The following RBPJ variants were observed in gnomAD, a reference collection of about 807,000 sequenced individuals.
RBPJ encodes the protein recombination signal binding protein for immunoglobulin kappa J region.
Under a neutral mutation model 67.8 loss-of-function variants are expected in RBPJ, and 9 were observed. That is an observed-to-expected ratio of 0.13 (90% CI 0.08 to 0.23). The LOEUF (loss-of-function observed/expected upper bound fraction) is 0.23, where lower values mean the gene tolerates loss of function less well. RBPJ is among the 10% of genes least tolerant of loss of function. The pLI, the probability that RBPJ is intolerant of heterozygous loss-of-function variation, is 1.00. For synonymous variants in RBPJ, 198 were observed against 203.3 expected (o/e 0.97, Z 0.22); for missense variants, 305 against 595.6 (o/e 0.51, Z 5.08).
At chr4:26,362,223 A>G (rs929338334) in intron 1 of RBPJ, among the ~76,000 whole-genome samples, 1 of 152,198 alleles carries the variant, frequency 6.6e-6, no homozygotes, top group Admixed American at 6.5e-5. Context: ...TGAAGAAACA[A>G]TTGGGGCAAA....
chr4:26,277,706 T>C (rs1721130215), intron 1 of RBPJ, among the ~76,000 whole-genome samples: 1 of 152,234 alleles, frequency 6.6e-6, no homozygotes, highest in African/African-American at 2.4e-5. Flanking sequence ...ATGGCAAGTG[T>C]TAGTCAGAGG....
At chr4:26,324,481 G>A (rs1723417609) in intron 1 of RBPJ, among the ~76,000 whole-genome samples, 1 of 151,838 alleles carries the variant, frequency 6.6e-6, no homozygotes, top group African/African-American at 2.4e-5. Context: ...ATAAAATTAT[G>A]GGATGCCTTT....
intron 1 of RBPJ, among the ~76,000 whole-genome samples, chr4:26,299,261 C>T (rs1321106932): frequency 6.6e-6 from 1 of 152,162 alleles, no homozygotes. Flanking sequence ...TAATGGTTTA[C>T]AAATTCATCA....
At chr4:26,361,917 G>A (rs1188305451) in intron 1 of RBPJ, among the ~76,000 whole-genome samples, 2 of 152,156 alleles carry the variant, frequency 1.3e-5, no homozygotes, top group Admixed American at 6.5e-5. Flanking sequence ...ATGGTTAGCC[G>A]TCTGTCTGTT....
chr4:26,109,413 TCTCTCTCTCTCC>T, the RBPJ span, among the ~76,000 whole-genome samples: 410 of 19,136 alleles, frequency 0.021, 118 homozygotes, highest in Middle Eastern at 0.031. Flanking sequence ...TCCACCTTCC[TCTCTCTCTCTCC>T]CTCTCTCTCT....
intron 4 of RBPJ, among the ~76,000 whole-genome samples, chr4:26,419,644 T>A (rs2109800916): frequency 6.6e-6 from 1 of 152,320 alleles, no homozygotes; most frequent in East Asian, 1.9e-4. Context: ...TATAATTCGA[T>A]ACTTTAGATA....
At chr4:26,117,361 C>T in the RBPJ span, among the ~76,000 whole-genome samples, 1 of 152,226 alleles carries the variant, frequency 6.6e-6, no homozygotes, top group South Asian at 2.1e-4. Context: ...CCTGGGACCC[C>T]AAGTTCTAAC....
the RBPJ span, among the ~76,000 whole-genome samples, chr4:26,135,361 T>C: frequency 6.6e-6 from 1 of 152,052 alleles, no homozygotes; most frequent in South Asian, 2.1e-4. Context: ...GTATCCCCAC[T>C]TTACAGATGA....
chr4:26,401,066 A>G (rs1035425406), intron 2 of RBPJ, among the ~76,000 whole-genome samples: 6 of 152,296 alleles, frequency 3.9e-5, no homozygotes, highest in African/African-American at 1.4e-4. Context: ...CATTTTGTGT[A>G]CTGTTGAAGG....
chr4:26,351,855 G>T (rs974460394), intron 1 of RBPJ, among the ~76,000 whole-genome samples: 1 of 152,184 alleles, frequency 6.6e-6, no homozygotes, highest in Non-Finnish European at 1.5e-5. Context: ...CCCACTGCTA[G>T]TTTCATACAG....
At chr4:26,186,273 GTTAC>G (rs1351230003) in intron 1 of RBPJ, among the ~76,000 whole-genome samples, 12 of 148,230 alleles carry the variant, frequency 8.1e-5, no homozygotes, top group Non-Finnish European at 1.5e-5. Flanking sequence ...CCTTTAGCAT[GTTAC>G]TTAATCTCTC....
Position 26,192,009 on chromosome 4 carries a change from A to AAT in RBPJ, c.-167+28396_-167+28397dup, listed in dbSNP as rs1553847316. Among the ~76,000 whole-genome samples the AAT allele has an allele frequency of 1.6e-3, 186 of 115,168 alleles. 1 individual carries two copies. The highest frequency in any genetic ancestry group is 6.7e-3 in the African/African-American group (176 of 26,202). The allele number at this position is 115,168 out of a possible 152,430, so 75.6% of individuals were successfully genotyped here. On this transcript the variant is annotated intron_variant, in intron 1 of 4. Transcript: ENST00000512351. ...TACATTTGTTTGTCCCATTCTTTAA[A>AAT]ATTTTTTTTTTTTTTTTGAGGCAGA...
Position 26,277,274 on chromosome 4 carries a change from C to CAAAAAAAAA in RBPJ, c.-166-85165_-166-85157dup, listed in dbSNP as rs754017128. Among the ~76,000 whole-genome samples, 66 of 113,434 alleles carry CAAAAAAAAA rather than the reference C, an allele frequency of 5.8e-4. 1 individual carries two copies. The highest frequency in any genetic ancestry group is 1.9e-3 in the African/African-American group (62 of 32,328). 74.4% of individuals were successfully genotyped at this position (113,434 alleles called of 152,430 possible). On this transcript the variant is annotated intron_variant, in intron 1 of 4. Coordinates refer to the RBPJ transcript ENST00000512351. ...GCGACAGAGCAAGACCCTGTTTGTTCAAAAAAAAAAAAAAAGTCAAAAGTC... is the reference window on the plus strand; with the variant it reads ...GCGACAGAGCAAGACCCTGTTTGTTCAAAAAAAAAAAAAAAAAAAAAAAAGTCAAAAGTC...
At chr4:26,349,940 A>G (rs190411442) in intron 1 of RBPJ, among the ~76,000 whole-genome samples, 18 of 152,358 alleles carry the variant, frequency 1.2e-4, no homozygotes, top group Non-Finnish European at 5.9e-5. Context: ...TATTTCGGTT[A>G]AAGCAGCTAC....
At chr4:26,123,530 A>G in the RBPJ span, among the ~76,000 whole-genome samples, 1 of 152,110 alleles carries the variant, frequency 6.6e-6, no homozygotes, top group Non-Finnish European at 1.5e-5. Flanking sequence ...TTCTTCAACA[A>G]TATATTAACC....
the RBPJ span, among the ~76,000 whole-genome samples, chr4:26,146,926 C>T: frequency 6.6e-6 from 1 of 152,192 alleles, no homozygotes; most frequent in African/African-American, 2.4e-5. Flanking sequence ...GAAGCAACAG[C>T]ATGTGCAAAG....
At chr4:26,315,144 CAAAAAAAAAAAA>C (rs60940172), upstream of RBPJ, among the ~76,000 whole-genome samples, 5 of 10,348 alleles carry the variant, frequency 4.8e-4, no homozygotes, top group African/African-American at 1.8e-3. Flanking sequence ...GTCTCTGTCT[CAAAAAAAAAAAA>C]AAAAAAAAAA....
chr4:26,362,413 C>T (rs1308511081), intron 1 of RBPJ: 2 of 1,352,560 alleles, frequency 1.5e-6, no homozygotes, highest in South Asian at 1.7e-5. Flanking sequence ...CATACCAACA[C>T]TTAAGGCCTT....
intron 1 of RBPJ, among the ~76,000 whole-genome samples, chr4:26,259,625 C>T (rs767811260): frequency 5.9e-5 from 9 of 152,186 alleles, no homozygotes; most frequent in Non-Finnish European, 1.2e-4. Flanking sequence ...TCCAGGTGCA[C>T]CAGTTGTGCC....
Sources: gnomAD v4.1 joint callset for allele counts (sites outside exome capture counted in the v4.1 genomes callset) on GRCh38, gnomAD v4.1.1 for gene constraint, MANE v1.5 for transcripts, NCBI Gene and HGNC (gene_info 2026-07-23, HGNC 2026-07-21) for gene names.